The following STX8 variants were observed in gnomAD, a reference collection of about 807,000 sequenced individuals.
STX8 encodes the protein syntaxin-8.
In STX8, 23 loss-of-function variants were observed where a neutral mutation model predicts 37.5. That is an observed-to-expected ratio of 0.61 (90% confidence interval 0.44 to 0.87). The LOEUF is 0.87. STX8 is among the 40% of genes least tolerant of loss of function. The pLI is 0.00. For synonymous variants in STX8, 115 were observed against 99.1 expected (o/e 1.16, Z -0.95); for missense variants, 313 against 284.7 (o/e 1.10, Z -0.71).
chr17:9,378,460 ATCCCCACAGTAAT>A, intron 7 of STX8, 79 bp downstream of exon 7: 1 of 1,156,610 alleles, frequency 8.6e-7, no homozygotes, highest in Non-Finnish European at 1.3e-6. Flanking sequence ...GAGCAACCAA[ATCCCCACAGTAAT>A]TAGACAAACA....
intron 1 of STX8, among the ~76,000 whole-genome samples, chr17:9,571,257 C>T (rs962754543): frequency 2.6e-5 from 4 of 152,062 alleles, no homozygotes; most frequent in Non-Finnish European, 4.4e-5. Context: ...AAGTTGGAAT[C>T]ACTGGGGAAT....
chr17:9,385,664 T>C (rs138177331), intron 6 of STX8, among the ~76,000 whole-genome samples: 2 of 152,320 alleles, frequency 1.3e-5, no homozygotes, highest in Non-Finnish European at 2.9e-5. Flanking sequence ...CAATACTAAT[T>C]GTTGGGGGAA....
chr17:9,338,798 G>A (rs749705255), intron 7 of STX8, among the ~76,000 whole-genome samples: 23 of 152,216 alleles, frequency 1.5e-4, no homozygotes, highest in Non-Finnish European at 2.5e-4. Flanking sequence ...CCAGTCAGAT[G>A]ACGTGGCTTA....
At chr17:9,325,527 C>G (rs1040339388) in intron 7 of STX8, among the ~76,000 whole-genome samples, 1 of 152,174 alleles carries the variant, frequency 6.6e-6, no homozygotes, top group East Asian at 1.9e-4. Context: ...ATGCTTGATT[C>G]AACACTCTGC....
chr17:9,279,215 GC>G (rs1367171087), intron 7 of STX8, among the ~76,000 whole-genome samples: 1 of 151,836 alleles, frequency 6.6e-6, no homozygotes, highest in African/African-American at 2.4e-5. Context: ...CCGCCACCAC[GC>G]CTGGCTAATT....
At chr17:9,532,457 T>C (rs1260537178) in intron 4 of STX8, among the ~76,000 whole-genome samples, 1 of 152,092 alleles carries the variant, frequency 6.6e-6, no homozygotes, top group Non-Finnish European at 1.5e-5. Context: ...CGTGCATGTA[T>C]CCTTGGATAC....
chr17:9,279,625 G>C (rs144734898), intron 7 of STX8, among the ~76,000 whole-genome samples: 2 of 152,136 alleles, frequency 1.3e-5, no homozygotes, highest in African/African-American at 4.8e-5. Flanking sequence ...TCACAGCCAG[G>C]TGCCCAGCTC....
intron 6 of STX8, among the ~76,000 whole-genome samples, chr17:9,458,160 A>T (rs1423995410): frequency 3.3e-5 from 5 of 152,040 alleles, no homozygotes; most frequent in Admixed American, 2.6e-4. Flanking sequence ...TTTTAATTTT[A>T]TTTTTTTGAG....
At chr17:9,510,892 TCAAA>T (rs554643186) in intron 4 of STX8, among the ~76,000 whole-genome samples, 119 of 151,624 alleles carry the variant, frequency 7.8e-4, no homozygotes, top group African/African-American at 2.8e-3. Flanking sequence ...GAGAGATGAC[TCAAA>T]CAAATAAAAT....
At position 9,253,014 on chromosome 17, in the gene STX8, C is replaced by G. The variant is rs540012331; in HGVS notation, c.644-2369G>C. Among the ~76,000 whole-genome samples the G allele has an allele frequency of 3.3e-5, 5 of 152,378 alleles. No individual in the cohort carries two copies. In the South Asian group the frequency reaches 6.2e-4, roughly 19 times the overall value. ...CTTGCTAGCTCCTGCTCTCCATCATCATGATGATGACCCACCTGCAGCATC... is the reference window on the plus strand; with the variant it reads ...CTTGCTAGCTCCTGCTCTCCATCATGATGATGATGACCCACCTGCAGCATC... On this transcript the variant is annotated intron_variant, in intron 7 of 7. Coordinates refer to ENST00000306357, the MANE Select transcript of STX8 (RefSeq NM_004853.3).
chr17:9,502,009 TCA>T (rs1450442126), intron 5 of STX8, among the ~76,000 whole-genome samples: 2 of 152,056 alleles, frequency 1.3e-5, no homozygotes, highest in Admixed American at 1.3e-4. Context: ...AGCTGTCACC[TCA>T]CACCTGTCAG....
intron 1 of STX8, 41 bp downstream of exon 1, chr17:9,575,751 G>A (rs2151921629): frequency 6.5e-7 from 1 of 1,545,874 alleles, no homozygotes; most frequent in Non-Finnish European, 8.7e-7. Flanking sequence ...CGGCCTCCCC[G>A]AAGGTCCCTC....
At chr17:9,395,075 CA>C (rs35006071) in intron 6 of STX8, among the ~76,000 whole-genome samples, 142 of 137,196 alleles carry the variant, frequency 1.0e-3, no homozygotes, top group Admixed American at 1.5e-3. Context: ...GACCCCGTCT[CA>C]AAAAAAAAAA....
intron 5 of STX8, among the ~76,000 whole-genome samples, chr17:9,499,334 G>A (rs1321871236): frequency 6.6e-6 from 1 of 152,170 alleles, no homozygotes; most frequent in Non-Finnish European, 1.5e-5. Flanking sequence ...GGTTCTGTGT[G>A]AAGATTACTT....
chr17:9,259,286 A>G (rs1483241270), intron 7 of STX8, among the ~76,000 whole-genome samples: 1 of 152,186 alleles, frequency 6.6e-6, no homozygotes, highest in African/African-American at 2.4e-5. Flanking sequence ...CACTCAATAA[A>G]TGGTAACTCT....
At chr17:9,354,828 G>C (rs1287817190) in intron 7 of STX8, among the ~76,000 whole-genome samples, 1 of 152,112 alleles carries the variant, frequency 6.6e-6, no homozygotes, top group Non-Finnish European at 1.5e-5. Context: ...TTCTAGAACA[G>C]CTGTTCTCTT....
At chr17:9,419,468 G>T (rs1040300337) in intron 6 of STX8, among the ~76,000 whole-genome samples, 1 of 152,168 alleles carries the variant, frequency 6.6e-6, no homozygotes, top group Admixed American at 6.5e-5. Flanking sequence ...TTGGGGAGTG[G>T]ACTACAGATC....
chr17:9,323,163 T>A (rs931331377), intron 7 of STX8, among the ~76,000 whole-genome samples: 3 of 152,196 alleles, frequency 2.0e-5, no homozygotes, highest in Admixed American at 2.0e-4. Flanking sequence ...CAGATGCCAA[T>A]GCTTTCATGA....
At chr17:9,326,692 G>A (rs1909764666) in intron 7 of STX8, among the ~76,000 whole-genome samples, 1 of 152,172 alleles carries the variant, frequency 6.6e-6, no homozygotes, top group South Asian at 2.1e-4. Context: ...TAGTGCTTAT[G>A]CATTCCAACA....
Sources: gnomAD v4.1 joint callset for allele counts (sites outside exome capture counted in the v4.1 genomes callset) on GRCh38, gnomAD v4.1.1 for gene constraint, MANE v1.5 for transcripts, NCBI Gene and HGNC (gene_info 2026-07-23, HGNC 2026-07-21) for gene names.